Variants in PLPP4 observed in about 807,000 individuals in gnomAD.
PLPP4 encodes phospholipid phosphatase 4.
A neutral mutation model predicts 32.2 loss-of-function variants in PLPP4; 20 were observed. The ratio of observed to expected loss-of-function variants is 0.62; its 90% CI spans 0.44 to 0.90. The LOEUF is 0.90. PLPP4 is among the 40% of genes least tolerant of loss of function. The pLI, the probability that PLPP4 is intolerant of heterozygous loss-of-function variation, is 0.00. For missense variants in PLPP4, 257 were observed against 353.1 expected (o/e 0.73, Z 2.18); for synonymous variants, 127 against 133.0 (o/e 0.95, Z 0.31).
At chr10:120,544,966 G>T (rs912667025) in intron 5 of PLPP4, among the ~76,000 whole-genome samples, 1 of 152,252 alleles carries the variant, frequency 6.6e-6, no homozygotes, top group Non-Finnish European at 1.5e-5. Context: ...CAGGGCCAGG[G>T]ATTCTCCCTG....
chr10:120,500,164 G>A (rs1845174893), intron 1 of PLPP4, among the ~76,000 whole-genome samples: 1 of 152,118 alleles, frequency 6.6e-6, no homozygotes, highest in Non-Finnish European at 1.5e-5. Context: ...GTAGAGTGAG[G>A]GATTGTGCAA....
intron 1 of PLPP4, among the ~76,000 whole-genome samples, chr10:120,474,000 T>G (rs1047114253): frequency 4.1e-4 from 62 of 152,206 alleles, no homozygotes; most frequent in African/African-American, 1.5e-3. Flanking sequence ...GTTTCTTCTT[T>G]GTTGTATTAT....
intron 5 of PLPP4, among the ~76,000 whole-genome samples, chr10:120,555,590 CCTTGG>C (rs1406102929): frequency 1.3e-5 from 2 of 152,178 alleles, no homozygotes; most frequent in African/African-American, 4.8e-5. Flanking sequence ...TAAACTGTGG[CCTTGG>C]CAAACACCTT....
At chr10:120,529,311 G>A (rs1385628440) in intron 5 of PLPP4, among the ~76,000 whole-genome samples, 1 of 152,110 alleles carries the variant, frequency 6.6e-6, no homozygotes, top group Non-Finnish European at 1.5e-5. Context: ...GAATTATCTG[G>A]CCTCAAATGT....
chr10:120,463,200 G>A (rs1220107049), intron 1 of PLPP4, among the ~76,000 whole-genome samples: 1 of 151,700 alleles, frequency 6.6e-6, no homozygotes, highest in Admixed American at 6.6e-5. Context: ...CTAATTTTTT[G>A]TATTTTTAGT....
intron 5 of PLPP4, among the ~76,000 whole-genome samples, chr10:120,547,648 CT>C (rs1314563695): frequency 1.3e-5 from 2 of 152,116 alleles, no homozygotes; most frequent in Non-Finnish European, 1.5e-5. Flanking sequence ...CATAGATTCC[CT>C]TTTTCCATCT....
intron 5 of PLPP4, among the ~76,000 whole-genome samples, chr10:120,543,322 C>T (rs1235264862): frequency 6.6e-6 from 1 of 152,186 alleles, no homozygotes; most frequent in East Asian, 1.9e-4. Context: ...GGACAGAGCC[C>T]AGGCACCTTG....
intron 5 of PLPP4, among the ~76,000 whole-genome samples, chr10:120,561,076 C>T (rs1489425533): frequency 6.6e-6 from 1 of 152,152 alleles, no homozygotes; most frequent in African/African-American, 2.4e-5. Flanking sequence ...AAACCATCTT[C>T]AAATTTTCCC....
intron 6 of PLPP4, chr10:120,581,120 A>G (rs1166060737): frequency 4.9e-6 from 6 of 1,226,322 alleles, no homozygotes; most frequent in Non-Finnish European, 6.3e-6. Context: ...ATTCTCAGTC[A>G]GGACTTCTGC....
At chr10:120,516,603 G>A (rs1403093153) in intron 3 of PLPP4, among the ~76,000 whole-genome samples, 7 of 152,200 alleles carry the variant, frequency 4.6e-5, no homozygotes, top group South Asian at 2.1e-4. Context: ...GCCGACTCAC[G>A]GGACATGTTG....
At position 120,508,775 on chromosome 10, in the gene PLPP4, T is replaced by C. The variant is rs183881637; in HGVS notation, c.165+4849T>C. ...GCTCCCTCTTCTCTCCCCAACCTCC[T>C]CCTGCTACTCAAAGGTGCACACTAC... On this transcript the variant is annotated intron_variant, in intron 2 of 6. Coordinates refer to ENST00000398250, the MANE Select transcript of PLPP4 (RefSeq NM_001030059.3). 4.9e-3 allele frequency among the ~76,000 whole-genome samples: 747 copies of C among 152,294 alleles called. 18 individuals carry two copies. Among genetic ancestry groups the C allele is most frequent in the Non-Finnish European group, 1.7e-3 (119 of 68,020 alleles).
At position 120,562,576 on chromosome 10, in the gene PLPP4, AG is replaced by A. The variant is rs1848485873; in HGVS notation, c.446-12553del. On this transcript the variant is annotated intron_variant, in intron 5 of 6. Coordinates refer to ENST00000398250, the MANE Select transcript of PLPP4 (RefSeq NM_001030059.3). ...ACTTTTTTGCTAGATATTCTTTATC[AG>A]GTTCCTTCCATTTCTAGTTTGCTAA... 2.0e-5 allele frequency among the ~76,000 whole-genome samples: 3 copies of A among 152,312 alleles called. No individual in the cohort carries two copies. The South Asian group carries it at 6.2e-4, about 32-fold the overall frequency.
chr10:120,548,351 T>C (rs1847732189), intron 5 of PLPP4, among the ~76,000 whole-genome samples: 1 of 152,150 alleles, frequency 6.6e-6, no homozygotes. Flanking sequence ...ATTTCTGCAT[T>C]AGTTTGCTTA....
At position 120,581,127 on chromosome 10, in the gene PLPP4, C is replaced by T. The variant is rs964382679; in HGVS notation, c.616+5826C>T. The T allele has an allele frequency of 7.4e-6, 9 of 1,218,656 alleles. 1 individual carries two copies. The highest frequency in any genetic ancestry group is 3.3e-4 in the Middle Eastern group (1 of 3,002). 75.5% of individuals were successfully genotyped at this position (1,218,656 alleles called of 1,614,324 possible). A position where few individuals can be genotyped will look rare whatever the true frequency, so the allele number is the denominator to read the frequency against. On this transcript the variant is annotated intron_variant, in intron 6 of 6. Transcript: ENST00000398250. ...AGAGAGGCATTCTCAGTCAGGACTT[C>T]TGCCCTCTTCCTGCCTCCAGGATAG...
chr10:120,502,794 G>A (rs1845321939), intron 1 of PLPP4, among the ~76,000 whole-genome samples: 1 of 152,124 alleles, frequency 6.6e-6, no homozygotes, highest in East Asian at 1.9e-4. Context: ...TAGGACTTTT[G>A]GTGCTAAAAC....
intron 6 of PLPP4, among the ~76,000 whole-genome samples, chr10:120,588,871 C>A (rs886249093): frequency 6.6e-6 from 1 of 152,148 alleles, no homozygotes; most frequent in Non-Finnish European, 1.5e-5. Context: ...CAGGGTGAAA[C>A]CCTGCCTCTA....
chr10:120,496,799 C>G (rs1435972013), intron 1 of PLPP4, among the ~76,000 whole-genome samples: 1 of 151,766 alleles, frequency 6.6e-6, no homozygotes, highest in Non-Finnish European at 1.5e-5. Context: ...AGACACATAT[C>G]CTGGGGTCTT....
At chr10:120,513,444 T>C (rs994643007) in intron 2 of PLPP4, among the ~76,000 whole-genome samples, 12 of 152,320 alleles carry the variant, frequency 7.9e-5, no homozygotes, top group Middle Eastern at 3.4e-3. Flanking sequence ...CGGACTAAAC[T>C]CTGCTTTGCA....
At chr10:120,585,416 G>T (rs1325904802) in intron 6 of PLPP4, among the ~76,000 whole-genome samples, 16 of 152,202 alleles carry the variant, frequency 1.1e-4, no homozygotes, top group Admixed American at 9.8e-4. Context: ...GGTGAGATCT[G>T]TAAGCTTCTG....
Sources: allele counts gnomAD v4.1 joint callset (sites outside exome capture counted in the v4.1 genomes callset), GRCh38; gene constraint gnomAD v4.1.1; transcripts MANE v1.5; gene names NCBI Gene and HGNC (gene_info 2026-07-23, HGNC 2026-07-21).